The following CSMD2 variants were observed in gnomAD, a reference collection of about 807,000 sequenced individuals.
The protein encoded by CSMD2 is CUB and sushi domain-containing protein 2.
CSMD2 carries 130 observed loss-of-function variants against 398.5 expected under a neutral mutation model. The observed-to-expected ratio is 0.33, with a 90% CI of 0.28 to 0.38. The LOEUF is 0.38. Among genes scored for constraint, CSMD2 ranks in the 10% least tolerant of loss-of-function variants. CSMD2 has a pLI of 1.00. For missense variants in CSMD2, 3,829 were observed against 4,764.9 expected, an observed-to-expected ratio of 0.80 and a Z score of 5.78; for synonymous variants, 1,828 against 1,908.5, an observed-to-expected ratio of 0.96 and a Z score of 1.10.
intron 13 of CSMD2, among the ~76,000 whole-genome samples, chr1:33,767,321 G>T (rs771714056): frequency 6.6e-6 from 1 of 152,138 alleles, no homozygotes; most frequent in Non-Finnish European, 1.5e-5. Flanking sequence ...AAGGGAGAGA[G>T]AATATGAATA....
chr1:34,089,705 C>G (rs552238015), intron 1 of CSMD2, among the ~76,000 whole-genome samples: 153 of 152,250 alleles, frequency 1.0e-3, no homozygotes, highest in African/African-American at 3.6e-3. Context: ...GAGGAGCTAC[C>G]TCTTCCTCCA....
At chr1:33,725,180 G>C (rs534780530) in intron 17 of CSMD2, among the ~76,000 whole-genome samples, 169 bp downstream of exon 17, 29 of 152,302 alleles carry the variant, frequency 1.9e-4, no homozygotes, top group African/African-American at 7.0e-4. Flanking sequence ...CCTGAGGGAT[G>C]CTGAGAGCAA....
At chr1:33,785,295 T>C (rs954594243) in intron 12 of CSMD2, among the ~76,000 whole-genome samples, 1 of 152,248 alleles carries the variant, frequency 6.6e-6, no homozygotes, top group Non-Finnish European at 1.5e-5. Context: ...TCCAGGCTCA[T>C]GATACTTGGT....
intron 15 of CSMD2, among the ~76,000 whole-genome samples, chr1:33,727,860 G>A (rs1043691697): frequency 1.3e-5 from 2 of 152,068 alleles, no homozygotes; most frequent in Non-Finnish European, 2.9e-5. Flanking sequence ...CCTCCCCAAG[G>A]CTGATGATGA....
chr1:33,704,619 G>A (rs1056704244), intron 22 of CSMD2, among the ~76,000 whole-genome samples: 2 of 152,170 alleles, frequency 1.3e-5, no homozygotes, highest in Non-Finnish European at 2.9e-5. Context: ...ATTAGGTTGA[G>A]CCATGAAATT....
In CSMD2 at chr1:33,550,195, A is replaced by G; in HGVS notation, c.8899T>C (p.Ser2967Pro). 6.2e-7 allele frequency: 1 copy of G among 1,613,912 alleles called. No homozygotes were observed. Among genetic ancestry groups the G allele is most frequent in the Non-Finnish European group, 8.5e-7 (1 of 1,179,954 alleles). The change falls in exon 56 of 71, where the codon TCC (serine) becomes CCC (proline). Residue 2967 changes from serine to proline, a missense_variant. Transcript: ENST00000373381. ...ACCATACCTGAGCAGTGAGGGAGGG[A>G]GCCAGTCCAGTGTCCATCCAGCCCA... is the stretch of plus-strand genomic sequence containing the variant. ...MCGLDGHWTGSLPHCSGTSVG... is the reference protein window; with the variant it reads ...MCGLDGHWTGPLPHCSGTSVG...
chr1:33,915,863 T>C (rs1043962592), intron 5 of CSMD2, among the ~76,000 whole-genome samples: 1 of 152,254 alleles, frequency 6.6e-6, no homozygotes, highest in Admixed American at 6.5e-5. Context: ...TGTCATGGCT[T>C]GGAAGACAGC....
chr1:34,004,129 C>T (rs1343371237), intron 3 of CSMD2, among the ~76,000 whole-genome samples: 1 of 152,206 alleles, frequency 6.6e-6, no homozygotes, highest in East Asian at 1.9e-4. Context: ...CTGCAGATGT[C>T]TGGGGAAATA....
At chr1:34,055,432 G>A (rs2358696) in intron 2 of CSMD2, among the ~76,000 whole-genome samples, 16,741 of 152,056 alleles carry the variant, frequency 0.11, 1,447 homozygotes, top group East Asian at 0.35. Flanking sequence ...GCCTCCCACC[G>A]CAGATGCCAA....
At chr1:33,988,990 A>C (rs932515336) in intron 3 of CSMD2, among the ~76,000 whole-genome samples, 7 of 112,218 alleles carry the variant, frequency 6.2e-5, no homozygotes, top group Non-Finnish European at 1.2e-4. Flanking sequence ...GCTTTGGGAC[A>C]GGTAAAAATC....
intron 1 of CSMD2, among the ~76,000 whole-genome samples, chr1:34,136,546 A>G (rs1043380493): frequency 6.6e-6 from 1 of 152,210 alleles, no homozygotes; most frequent in African/African-American, 2.4e-5. Flanking sequence ...CAGGCCTGAC[A>G]TATCATGATT....
At position 33,922,080 on chromosome 1, in the gene CSMD2, C is replaced by T. The variant is rs1305283259; in HGVS notation, c.713-3779G>A. On this transcript the variant is annotated intron_variant, in intron 4 of 70. Coordinates refer to ENST00000373381, the MANE Select transcript of CSMD2 (RefSeq NM_001281956.2). ...GGACGCTAGAGGAGACGCAGCTCTG[C>T]AGGAAGTGACGGCCCTTCCTCCCTG... Among the ~76,000 whole-genome samples, 3 of 152,128 alleles carry T rather than the reference C, an allele frequency of 2.0e-5. No homozygotes were observed. The East Asian group carries it at 5.8e-4, about 29-fold the overall frequency.
At chr1:33,623,558 C>A in intron 35 of CSMD2, 92 bp from the exon 36 acceptor site, 4 of 887,322 alleles carry the variant, frequency 4.5e-6, no homozygotes, top group South Asian at 1.4e-5. Flanking sequence ...GTAGTTAATT[C>A]AATTTGTTGA....
chr1:34,094,747 A>G (rs970519091), intron 1 of CSMD2, among the ~76,000 whole-genome samples: 3 of 152,238 alleles, frequency 2.0e-5, no homozygotes, highest in Admixed American at 6.5e-5. Flanking sequence ...AGGAGCACCC[A>G]GATTCATAAA....
chr1:33,552,245 T>C (rs1022841842), intron 55 of CSMD2, among the ~76,000 whole-genome samples: 1 of 152,218 alleles, frequency 6.6e-6, no homozygotes, highest in African/African-American at 2.4e-5. Flanking sequence ...ATAAAAATGA[T>C]GAACAATAAC....
intron 5 of CSMD2, among the ~76,000 whole-genome samples, chr1:33,893,609 C>T (rs1462478883): frequency 1.3e-5 from 2 of 152,234 alleles, no homozygotes; most frequent in Non-Finnish European, 2.9e-5. Context: ...CTCAGCTATG[C>T]ATGAGCTCTT....
At chr1:33,573,674 T>C (rs10798965) in intron 49 of CSMD2, among the ~76,000 whole-genome samples, 33,761 of 151,984 alleles carry the variant, frequency 0.22, 4,003 homozygotes, top group Non-Finnish European at 0.26. Flanking sequence ...GGATCAATCC[T>C]CAATACAGAA....
At chr1:33,769,977 T>C (rs1226689818) in intron 13 of CSMD2, among the ~76,000 whole-genome samples, 1 of 152,230 alleles carries the variant, frequency 6.6e-6, no homozygotes, top group African/African-American at 2.4e-5. Flanking sequence ...TATATTTTTA[T>C]AGATGTTTAT....
At chr1:33,644,887 C>T (rs1000003839) in intron 29 of CSMD2, among the ~76,000 whole-genome samples, 3 of 152,086 alleles carry the variant, frequency 2.0e-5, no homozygotes, top group Admixed American at 2.0e-4. Context: ...GGCAGAATAT[C>T]CATTGCCTAG....
Sources: gnomAD v4.1 joint callset for allele counts (sites outside exome capture counted in the v4.1 genomes callset) on GRCh38, gnomAD v4.1.1 for gene constraint, MANE v1.5 for transcripts, NCBI Gene and HGNC (gene_info 2026-07-23, HGNC 2026-07-21) for gene names.